HNRNPC: variants seen among roughly 807,000 people sequenced by gnomAD.
HNRNPC encodes heterogeneous nuclear ribonucleoprotein C.
HNRNPC carries 3 observed loss-of-function variants against 33.2 expected under a neutral mutation model. That is an observed-to-expected ratio of 0.09 (90% CI 0.04 to 0.23). HNRNPC has a LOEUF of 0.23. HNRNPC is among the 10% of genes least tolerant of loss of function. The pLI, the probability that HNRNPC is intolerant of heterozygous loss-of-function variation, is 1.00. For missense variants in HNRNPC, 143 were observed against 366.7 expected, an observed-to-expected ratio of 0.39 and a Z score of 4.98; for synonymous variants, 121 against 126.7, an observed-to-expected ratio of 0.96 and a Z score of 0.30.
intron 2 of HNRNPC, among the ~76,000 whole-genome samples, chr14:21,244,031 GTT>G (rs201972334): frequency 2.1e-5 from 3 of 146,332 alleles, no homozygotes. Flanking sequence ...TTTCCTCCAA[GTT>G]TTTTTTTTTT....
intron 1 of HNRNPC, chr14:21,264,292 G>C (rs1316367692): frequency 2.6e-5 from 4 of 152,126 alleles, no homozygotes; most frequent in Non-Finnish European, 5.9e-5. Context: ...ATCTATACTA[G>C]AGATGACTCA....
rs552656036 is a variant in HNRNPC, at chr14:21,243,282, T to C, written c.-36-9053A>G. 3.3e-5 allele frequency among the ~76,000 whole-genome samples: 5 copies of C among 152,274 alleles called. No homozygotes were observed. In the East Asian group the frequency reaches 9.6e-4, roughly 29 times the overall value. ...TTTATTCTTAGGAGATGCAGCCACA[T>C]GGAAGCTCCTAACTTCAGTGCGTAT... On this transcript the variant is annotated intron_variant, in intron 2 of 8. Transcript: ENST00000553300.
intron 5 of HNRNPC, among the ~76,000 whole-genome samples, chr14:21,227,381 C>G (rs1037302097): frequency 1.3e-5 from 2 of 152,174 alleles, no homozygotes; most frequent in African/African-American, 4.8e-5. Flanking sequence ...CAGCTATTAC[C>G]TAGTTGCTCC....
intron 2 of HNRNPC, among the ~76,000 whole-genome samples, chr14:21,255,313 A>C (rs1215407565): frequency 6.6e-6 from 1 of 152,238 alleles, no homozygotes; most frequent in African/African-American, 2.4e-5. Flanking sequence ...AACAGGAAGA[A>C]TATTTCAGAC....
intron 2 of HNRNPC, among the ~76,000 whole-genome samples, chr14:21,244,744 C>CCA (rs1292167569): frequency 6.6e-6 from 1 of 152,158 alleles, no homozygotes; most frequent in African/African-American, 2.4e-5. Context: ...GTGTAGCCTA[C>CCA]CACACACCTA....
At chr14:21,223,127 A>T (rs192963984) in intron 5 of HNRNPC, among the ~76,000 whole-genome samples, 1 of 152,176 alleles carries the variant, frequency 6.6e-6, no homozygotes, top group Non-Finnish European at 1.5e-5. Context: ...AATCACTTGA[A>T]ACCAGGAGGC....
At chr14:21,226,527 A>G (rs1313112083) in intron 5 of HNRNPC, among the ~76,000 whole-genome samples, 3 of 151,518 alleles carry the variant, frequency 2.0e-5, no homozygotes, top group South Asian at 2.1e-4. Flanking sequence ...TTATTACAAC[A>G]CCTTTCGCAA....
chr14:21,224,451 T>C (rs1351740750), intron 5 of HNRNPC, among the ~76,000 whole-genome samples: 1 of 152,146 alleles, frequency 6.6e-6, no homozygotes, highest in African/African-American at 2.4e-5. Flanking sequence ...CCCCTTCATG[T>C]AACCATTAAT....
intron 2 of HNRNPC, among the ~76,000 whole-genome samples, chr14:21,237,503 G>GT (rs370631240): frequency 1.7e-4 from 26 of 152,334 alleles, no homozygotes; most frequent in African/African-American, 6.0e-4. Context: ...CTGGGACCAA[G>GT]GCTTACTCAG....
rs563105409 is a variant in HNRNPC at position 21,253,180 on chromosome 14, A to G, written c.-37+10131T>C. Among the ~76,000 whole-genome samples, 42 of 146,916 alleles carry G rather than the reference A, an allele frequency of 2.9e-4. No homozygotes were observed. The East Asian group carries it at 7.9e-3, about 28-fold the overall frequency. On this transcript the variant is annotated intron_variant, in intron 2 of 8. Coordinates refer to ENST00000553300, the MANE Select transcript of HNRNPC (RefSeq NM_004500.4). ...AGAGCAAGACTCTGTCTTTAAAAAA[A>G]AAAAAAAAAAGACTGGCCAGGCGCG...
intron 5 of HNRNPC, among the ~76,000 whole-genome samples, chr14:21,229,361 A>G (rs1594240306): frequency 7.6e-6 from 1 of 131,612 alleles, no homozygotes; most frequent in Admixed American, 7.4e-5. Flanking sequence ...ACAGAGCGAG[A>G]CTGTCTCAAA....
At chr14:21,232,853 TGGTG>T (rs1024366234) in intron 3 of HNRNPC, among the ~76,000 whole-genome samples, 4 of 152,114 alleles carry the variant, frequency 2.6e-5, no homozygotes, top group African/African-American at 9.7e-5. Flanking sequence ...CTGGCCACCA[TGGTG>T]AAACCTCACC....
rs1566591315 is a variant in HNRNPC at position 21,211,846 on chromosome 14, G to C, written c.601C>G (p.Leu201Val). 1 of 1,612,620 alleles carries C rather than the reference G, an allele frequency of 6.2e-7. No homozygotes were observed. The highest frequency in any genetic ancestry group is 1.3e-5 in the African/African-American group (1 of 74,816). Reference protein sequence around the residue: ...KQKVDSLLENLEKIEKEQSKQ... With the variant: ...KQKVDSLLENVEKIEKEQSKQ... Reference sequence around the variant, plus strand: ...CTCTGTTCCTTTTCAATTTTTTCCAGGTTTTCCAGGAGAGAATCCACTTTT... The same window carrying C: ...CTCTGTTCCTTTTCAATTTTTTCCACGTTTTCCAGGAGAGAATCCACTTTT... Residue 201 changes from leucine (L) to valine (V), a missense_variant, in exon 7 of 9, where the codon CTG becomes GTG. Physicochemically the swap from Leu to Val is conservative, Grantham distance 32 (BLOSUM62 1). Around this residue, in one of 2 missense-constraint regions of HNRNPC, gnomAD observed 131 missense variants for 253.0 expected, o/e 0.52. Transcript: ENST00000553300.
intron 2 of HNRNPC, among the ~76,000 whole-genome samples, chr14:21,241,963 T>C (rs1423030826): frequency 6.6e-6 from 1 of 152,130 alleles, no homozygotes; most frequent in Non-Finnish European, 1.5e-5. Context: ...TACATCATGG[T>C]GGGAAAATGA....
rs1225752731 is a variant in HNRNPC at position 21,218,704 on chromosome 14, A to AAAAAAAC, written c.366-5588_366-5587insGTTTTTT. Among the ~76,000 whole-genome samples the AAAAAAAC allele has an allele frequency of 9.6e-4, 132 of 136,876 alleles. 4 individuals carry two copies. Among genetic ancestry groups the AAAAAAAC allele is most frequent in the African/African-American group, 3.1e-3 (111 of 36,252 alleles). The allele number at this position is 136,876 out of a possible 152,430, so 89.8% of individuals were successfully genotyped here. On this transcript the variant is annotated intron_variant, in intron 5 of 8. Transcript: ENST00000553300. ...CTCAAAAAAAAAAAAAAAAAAAAAA[A>AAAAAAAC]AAAACTGAAATTGAGTCACATGCAG...
intron 3 of HNRNPC, among the ~76,000 whole-genome samples, chr14:21,232,646 C>T (rs1894241075): frequency 1.3e-5 from 2 of 152,228 alleles, no homozygotes; most frequent in Admixed American, 1.3e-4. Flanking sequence ...GAATTACAGG[C>T]ATGAGCCACC....
intron 2 of HNRNPC, among the ~76,000 whole-genome samples, chr14:21,252,516 T>G (rs73577650): frequency 8.4e-4 from 128 of 152,284 alleles, no homozygotes; most frequent in African/African-American, 3.0e-3. Context: ...TTTCACCACA[T>G]TGGCCAGGCT....
intron 2 of HNRNPC, among the ~76,000 whole-genome samples, chr14:21,249,449 TGG>T (rs1896366110): frequency 1.3e-5 from 2 of 150,004 alleles, no homozygotes; most frequent in South Asian, 4.2e-4. Context: ...TAGCCAGGTG[TGG>T]TGGCACGTGC....
At chr14:21,258,860 GA>G (rs1322505983) in intron 2 of HNRNPC, among the ~76,000 whole-genome samples, 2 of 152,268 alleles carry the variant, frequency 1.3e-5, no homozygotes, top group East Asian at 3.9e-4. Flanking sequence ...TTAGGCTTGG[GA>G]TGATTATTTT....
Sources: allele counts gnomAD v4.1 joint callset (sites outside exome capture counted in the v4.1 genomes callset), GRCh38; gene constraint gnomAD v4.1.1; regional missense constraint gnomAD v4.1.1; transcripts MANE v1.5; gene names NCBI Gene and HGNC (gene_info 2026-07-23, HGNC 2026-07-21).